Variants in PRIMA1 observed in about 807,000 individuals in gnomAD.
The protein encoded by PRIMA1 is proline rich membrane anchor 1, also known as proline-rich membrane anchor 1.
A neutral mutation model predicts 17.5 loss-of-function variants in PRIMA1; 7 were observed. The observed-to-expected ratio is 0.40, with a 90% CI of 0.23 to 0.75. The LOEUF (loss-of-function observed/expected upper bound fraction) is 0.75. Ranked by LOEUF, PRIMA1 falls within the 30% of genes least tolerant of loss-of-function variation. The probability of loss-of-function intolerance (pLI) is 0.37; values close to 1 mark genes in which losing one functional copy is unlikely to be tolerated. For synonymous variants in PRIMA1, 97 were observed against 77.9 expected (o/e 1.25, Z -1.29); for missense variants, 200 against 201.8 (o/e 0.99, Z 0.05).
intron 3 of PRIMA1, among the ~76,000 whole-genome samples, chr14:93,741,410 G>A (rs539657304): frequency 6.6e-6 from 1 of 152,308 alleles, no homozygotes; most frequent in East Asian, 1.9e-4. Flanking sequence ...CTTTCTGGAG[G>A]TGCTAAGACA....
intron 3 of PRIMA1, among the ~76,000 whole-genome samples, chr14:93,761,413 G>C (rs942860031): frequency 2.6e-5 from 4 of 152,162 alleles, no homozygotes; most frequent in Non-Finnish European, 5.9e-5. Context: ...AGCCCTGCAT[G>C]ATTTTGGGAC....
chr14:93,728,903 T>C (rs763391132), intron 4 of PRIMA1, among the ~76,000 whole-genome samples: 8 of 152,182 alleles, frequency 5.3e-5, no homozygotes, highest in Non-Finnish European at 1.0e-4. Context: ...TCACCCATCA[T>C]GGAAGATGGG....
chr14:93,736,643 C>G (rs2141160608), intron 4 of PRIMA1, among the ~76,000 whole-genome samples: 1 of 152,274 alleles, frequency 6.6e-6, no homozygotes, highest in African/African-American at 2.4e-5. Context: ...CTTTCTGTGG[C>G]CCCCCATCCT....
intron 3 of PRIMA1, among the ~76,000 whole-genome samples, chr14:93,752,176 C>T (rs1202798144): frequency 2.6e-5 from 4 of 152,194 alleles, no homozygotes; most frequent in Non-Finnish European, 5.9e-5. Context: ...TTTCAAAGCA[C>T]ATTTTCCTTA....
Position 93,719,088 on chromosome 14 carries a change from CTT to C in PRIMA1, c.*2354_*2355del, listed in dbSNP as rs1187373408. 6.6e-6 allele frequency: 1 copy of C among 152,046 alleles called. No individual in the cohort carries two copies. Among genetic ancestry groups the C allele is most frequent in the Non-Finnish European group, 1.5e-5 (1 of 68,006 alleles). The allele number at this position is 152,046 out of a possible 1,614,324, so 9.4% of individuals were successfully genotyped here. A position where few individuals can be genotyped will look rare whatever the true frequency, so the allele number is the denominator to read the frequency against. ...GGTGGGGGGTGGATATTAAGTGAAT[CTT>C]TTAAAAAAACTAGGCTCTTCCCTTG... On this transcript the variant is annotated 3_prime_UTR_variant, in exon 5 of 5. Transcript: ENST00000393140.
chr14:93,784,422 C>T (rs1885465401), intron 2 of PRIMA1, among the ~76,000 whole-genome samples: 1 of 152,142 alleles, frequency 6.6e-6, no homozygotes, highest in Admixed American at 6.5e-5. Flanking sequence ...CCTGCCTTGG[C>T]TTCCCGAAGT....
chr14:93,718,448 G>A lies in PRIMA1; in HGVS notation c.*2996C>T, dbSNP rs148039355. ...TTAATGGCTTGTTGGTGGATAAGAC[G>A]GCATCAACTTGTACATTTGCCCATT... On this transcript the variant is annotated 3_prime_UTR_variant, in exon 5 of 5. Transcript: ENST00000393140. 2.6e-5 allele frequency: 4 copies of A among 152,628 alleles called. No individual in the cohort carries two copies. Among genetic ancestry groups the A allele is most frequent in the East Asian group, 1.9e-4 (1 of 5,184 alleles). The allele number at this position is 152,628 out of a possible 1,614,324, so 9.5% of individuals were successfully genotyped here. A position where few individuals can be genotyped will look rare whatever the true frequency, so the allele number is the denominator to read the frequency against.
chr14:93,779,252 G>A lies in PRIMA1; in HGVS notation c.153C>T (p.Val51=). Residue 51 remains valine, a synonymous_variant, in exon 3 of 5, where the codon GTC becomes GTT. Transcript: ENST00000393140. ...GCGGGGGAGGGGGCCGGCACTGGCA[G>A]ACGTGTCGGCAGCTGTCAGTCACTT... ...CSKVTDSCRH[V]CQCRPPPPLP... The A allele has an allele frequency of 6.5e-7, 1 of 1,536,748 alleles. No homozygotes were observed. The highest frequency in any genetic ancestry group is 1.3e-5 in the South Asian group (1 of 78,672).
chr14:93,762,173 C>T (rs1017967465), intron 3 of PRIMA1, among the ~76,000 whole-genome samples: 2 of 152,298 alleles, frequency 1.3e-5, no homozygotes, highest in Admixed American at 6.5e-5. Flanking sequence ...ACCTTCCCAG[C>T]CCAATCCAGC....
At chr14:93,787,822 C>T (rs1343791067) in intron 1 of PRIMA1, 73 bp from the exon 2 acceptor site, 1 of 1,471,152 alleles carries the variant, frequency 6.8e-7, no homozygotes, top group African/African-American at 1.4e-5. Context: ...CAATATACCT[C>T]CCAGCCCGGG....
chr14:93,759,212 T>C (rs906356377), intron 3 of PRIMA1, among the ~76,000 whole-genome samples: 45 of 152,114 alleles, frequency 3.0e-4, no homozygotes, highest in Admixed American at 2.8e-3. Flanking sequence ...CGGGTCTCTA[T>C]TGGCTTATGG....
chr14:93,772,604 G>A (rs1034915692), intron 3 of PRIMA1, among the ~76,000 whole-genome samples: 4 of 152,266 alleles, frequency 2.6e-5, no homozygotes, highest in Non-Finnish European at 5.9e-5. Context: ...CCACAAGCAG[G>A]CCTCTAGCTC....
rs529707107 is a variant in PRIMA1, at chr14:93,741,026, C to T, written c.230-3656G>A. On this transcript the variant is annotated intron_variant, in intron 3 of 4. Coordinates refer to ENST00000393140, the MANE Select transcript of PRIMA1 (RefSeq NM_178013.4). ...TGGTTCACAGTATCCTGCACAGGGT[C>T]CCCTCTAATATTCTGCAAGCACACT... Among the ~76,000 whole-genome samples the T allele has an allele frequency of 4.6e-5, 7 of 152,166 alleles. No individual in the cohort carries two copies. In the East Asian group the frequency reaches 1.3e-3, roughly 29 times the overall value.
chr14:93,744,011 G>T (rs1467591808), intron 3 of PRIMA1, among the ~76,000 whole-genome samples: 2 of 152,254 alleles, frequency 1.3e-5, no homozygotes, highest in Non-Finnish European at 2.9e-5. Flanking sequence ...AGGACAGTGT[G>T]GGGGCCGGAG....
Position 93,721,116 on chromosome 14 carries a change from T to G in PRIMA1, c.*328A>C. The stretch of plus-strand genomic sequence containing the variant: ...CTGCCACAGTAGAAAGACAGATCCC[T>G]CTGGCTTCGCCAGTGCGCATGCTTT... On this transcript the variant is annotated 3_prime_UTR_variant, in exon 5 of 5. Coordinates refer to ENST00000393140, the MANE Select transcript of PRIMA1 (RefSeq NM_178013.4). The G allele has an allele frequency of 3.7e-6, 1 of 269,292 alleles. No individual in the cohort carries two copies. Among genetic ancestry groups the G allele is most frequent in the Non-Finnish European group, 7.0e-6 (1 of 141,916 alleles). 16.7% of individuals were successfully genotyped at this position (269,292 alleles called of 1,614,324 possible).
chr14:93,784,929 G>A (rs963955162), intron 2 of PRIMA1, among the ~76,000 whole-genome samples: 4 of 152,120 alleles, frequency 2.6e-5, no homozygotes, highest in African/African-American at 4.8e-5. Flanking sequence ...AAATGCTGCC[G>A]AATGAATCAT....
At chr14:93,784,155 A>G (rs532861513) in intron 2 of PRIMA1, among the ~76,000 whole-genome samples, 3 of 152,344 alleles carry the variant, frequency 2.0e-5, no homozygotes, top group Non-Finnish European at 2.9e-5. Flanking sequence ...TTTAAAGTAT[A>G]TCCCCAATAT....
chr14:93,748,049 T>TGTGA (rs1370394739), intron 3 of PRIMA1, among the ~76,000 whole-genome samples: 9 of 150,488 alleles, frequency 6.0e-5, no homozygotes, highest in Non-Finnish European at 1.0e-4. Flanking sequence ...AGTGTGTGAG[T>TGTGA]GTGTGTATGT....
chr14:93,782,193 G>A (rs539906159), intron 2 of PRIMA1, among the ~76,000 whole-genome samples: 144 of 151,634 alleles, frequency 9.5e-4, no homozygotes, highest in African/African-American at 2.8e-3. Context: ...GCGTGAACAC[G>A]GGAGGCGGAG....
Sources: allele counts gnomAD v4.1 joint callset (sites outside exome capture counted in the v4.1 genomes callset), GRCh38; gene constraint gnomAD v4.1.1; transcripts MANE v1.5; gene names NCBI Gene and HGNC (gene_info 2026-07-23, HGNC 2026-07-21).